CACNA2D1: variants seen among roughly 807,000 people sequenced by gnomAD.
CACNA2D1 encodes the protein voltage-dependent calcium channel subunit alpha-2/delta-1.
Under a neutral mutation model 171.5 loss-of-function variants are expected in CACNA2D1, and 53 were observed. The observed-to-expected ratio is 0.31, with a 90% CI of 0.25 to 0.39. CACNA2D1 has a LOEUF of 0.39. Ranked by LOEUF, CACNA2D1 falls within the 10% of genes least tolerant of loss-of-function variation. The pLI, the probability that CACNA2D1 is intolerant of heterozygous loss-of-function variation, is 1.00. For synonymous variants in CACNA2D1, 442 were observed against 443.1 expected, an observed-to-expected ratio of 1.00 and a Z score of 0.03; for missense variants, 903 against 1,299.8, an observed-to-expected ratio of 0.69 and a Z score of 4.69.
chr7:82,010,973 C>T (rs1031142122), intron 15 of CACNA2D1, among the ~76,000 whole-genome samples: 2 of 152,078 alleles, frequency 1.3e-5, no homozygotes, highest in African/African-American at 4.8e-5. Context: ...AAGTTCTTCT[C>T]ATTAAGACTA....
At chr7:82,122,173 T>G (rs1261711308) in intron 5 of CACNA2D1, among the ~76,000 whole-genome samples, 2 of 152,110 alleles carry the variant, frequency 1.3e-5, no homozygotes, top group African/African-American at 4.8e-5. Flanking sequence ...TAAAAAACAC[T>G]GTAGGGAATA....
intron 1 of CACNA2D1, among the ~76,000 whole-genome samples, chr7:82,436,518 T>A (rs1051021201): frequency 2.0e-5 from 3 of 152,184 alleles, no homozygotes. Flanking sequence ...TAAGGTGAAT[T>A]TCCAAATGTG....
At chr7:82,167,141 A>T (rs1795536698) in intron 4 of CACNA2D1, among the ~76,000 whole-genome samples, 1 of 152,140 alleles carries the variant, frequency 6.6e-6, no homozygotes, top group Non-Finnish European at 1.5e-5. Flanking sequence ...GGATGGCATT[A>T]AAGAAATATT....
chr7:82,120,724 A>T (rs1789625362), intron 5 of CACNA2D1, among the ~76,000 whole-genome samples: 1 of 151,960 alleles, frequency 6.6e-6, no homozygotes, highest in Non-Finnish European at 1.5e-5. Context: ...ATAATACAAA[A>T]ATTAGCCGAG....
At chr7:82,125,613 A>G (rs1327224687) in intron 5 of CACNA2D1, among the ~76,000 whole-genome samples, 1 of 152,116 alleles carries the variant, frequency 6.6e-6, no homozygotes, top group African/African-American at 2.4e-5. Flanking sequence ...AATGATGGCA[A>G]GTGCCCGTAG....
chr7:82,131,937 G>C (rs1298251270), intron 5 of CACNA2D1, among the ~76,000 whole-genome samples: 3 of 152,136 alleles, frequency 2.0e-5, no homozygotes, highest in Admixed American at 6.6e-5. Flanking sequence ...CTTTTGGTGA[G>C]GGTGAGTAAA....
At chr7:82,402,285 G>A (rs763515928) in intron 1 of CACNA2D1, among the ~76,000 whole-genome samples, 13 of 152,180 alleles carry the variant, frequency 8.5e-5, no homozygotes, top group Non-Finnish European at 1.9e-4. Flanking sequence ...AATTCAGAAC[G>A]TACCATGTTC....
chr7:82,262,588 T>A (rs1255462305), intron 3 of CACNA2D1, among the ~76,000 whole-genome samples: 1 of 152,084 alleles, frequency 6.6e-6, no homozygotes, highest in Non-Finnish European at 1.5e-5. Flanking sequence ...CAGTCAGGAC[T>A]CAGAAAATGA....
At chr7:82,295,810 G>A (rs1052371132) in intron 3 of CACNA2D1, among the ~76,000 whole-genome samples, 36 of 151,918 alleles carry the variant, frequency 2.4e-4, no homozygotes, top group Non-Finnish European at 3.8e-4. Context: ...ACATGAACAC[G>A]TATGTTTATT....
At chr7:82,095,864 T>C (rs1811798780) in intron 6 of CACNA2D1, among the ~76,000 whole-genome samples, 1 of 152,196 alleles carries the variant, frequency 6.6e-6, no homozygotes, top group Admixed American at 6.5e-5. Context: ...CAAATGTCCA[T>C]TTAATCCTGT....
chr7:82,072,681 A>G (rs1309385734), intron 7 of CACNA2D1, among the ~76,000 whole-genome samples: 1 of 151,840 alleles, frequency 6.6e-6, no homozygotes, highest in African/African-American at 2.4e-5. Flanking sequence ...TCATTTTGAA[A>G]TTGTCTTCCC....
In CACNA2D1 at chr7:81,948,560, G is replaced by A. The variant is rs1792228371; in HGVS notation, c.*1832C>T. The A allele has an allele frequency of 6.6e-6, 1 of 151,662 alleles. No individual in the cohort carries two copies. Among genetic ancestry groups the A allele is most frequent in the Non-Finnish European group, 1.5e-5 (1 of 67,778 alleles). The allele number at this position is 151,662 out of a possible 1,614,324, so 9.4% of individuals were successfully genotyped here. On this transcript the variant is annotated 3_prime_UTR_variant, in exon 39 of 39. Transcript: ENST00000356860. ...ATGCAAAGCTAAAAACAAAACAAATGTTATCTTTTAAGCTACGTTAAATTA... is the reference window on the plus strand; with the variant it reads ...ATGCAAAGCTAAAAACAAAACAAATATTATCTTTTAAGCTACGTTAAATTA...
chr7:82,068,602 C>A (rs1807949891), intron 7 of CACNA2D1, among the ~76,000 whole-genome samples: 2 of 147,816 alleles, frequency 1.4e-5, no homozygotes, highest in South Asian at 2.1e-4. Context: ...ATAAATTTTC[C>A]TTGTTCAAAA....
intron 4 of CACNA2D1, among the ~76,000 whole-genome samples, 153 bp from the exon 5 acceptor site, chr7:82,136,829 T>C (rs555581311): frequency 1.3e-5 from 2 of 152,300 alleles, no homozygotes; most frequent in East Asian, 3.9e-4. Context: ...CCACTATTTT[T>C]CCAGGAACAT....
At chr7:82,366,844 C>T (rs1251240168) in intron 1 of CACNA2D1, among the ~76,000 whole-genome samples, 1 of 149,898 alleles carries the variant, frequency 6.7e-6, no homozygotes, top group Non-Finnish European at 1.5e-5. Flanking sequence ...CCATTCCCAC[C>T]AATAATGTAT....
At chr7:82,304,280 T>C (rs1813422051) in intron 3 of CACNA2D1, among the ~76,000 whole-genome samples, 2 of 151,604 alleles carry the variant, frequency 1.3e-5, no homozygotes, top group South Asian at 4.1e-4. Flanking sequence ...GAAAACAGTA[T>C]GGAGCTTCCT....
At chr7:82,281,106 C>A (rs1475487552) in intron 3 of CACNA2D1, among the ~76,000 whole-genome samples, 1 of 152,140 alleles carries the variant, frequency 6.6e-6, no homozygotes, top group Non-Finnish European at 1.5e-5. Flanking sequence ...ACATCAGCAT[C>A]AACTAATCAA....
At chr7:82,354,468 A>G (rs1212215484) in intron 1 of CACNA2D1, among the ~76,000 whole-genome samples, 1 of 152,206 alleles carries the variant, frequency 6.6e-6, no homozygotes, top group Non-Finnish European at 1.5e-5. Context: ...AGAGAGGATA[A>G]TTCTTCTCTG....
At chr7:82,143,694 G>A (rs1463587554) in intron 4 of CACNA2D1, among the ~76,000 whole-genome samples, 2 of 152,084 alleles carry the variant, frequency 1.3e-5, no homozygotes. Context: ...CCAGACCTGT[G>A]TGATTCTGTA....
Sources: allele counts gnomAD v4.1 joint callset (sites outside exome capture counted in the v4.1 genomes callset), GRCh38; gene constraint gnomAD v4.1.1; transcripts MANE v1.5; gene names NCBI Gene and HGNC (gene_info 2026-07-23, HGNC 2026-07-21).